The following SNX19 variants were observed in gnomAD, a reference collection of about 807,000 sequenced individuals.
The protein encoded by SNX19 is sorting nexin-19.
SNX19 carries 60 observed loss-of-function variants against 85.2 expected under a neutral mutation model. The observed-to-expected ratio is 0.70, with a 90% CI of 0.57 to 0.87. The LOEUF is 0.87. SNX19 is among the 40% of genes least tolerant of loss of function. SNX19 has a pLI of 0.00. For missense variants in SNX19, 1,201 were observed against 1,217.8 expected, an observed-to-expected ratio of 0.99 and a Z score of 0.21; for synonymous variants, 520 against 470.0, an observed-to-expected ratio of 1.11 and a Z score of -1.38.
Position 130,878,305 on chromosome 11 carries a change from G to A in SNX19, c.*117C>T, listed in dbSNP as rs1183725445. 17 of 1,219,822 alleles carry A rather than the reference G, an allele frequency of 1.4e-5. No homozygotes were observed. The highest frequency in any genetic ancestry group is 5.5e-5 in the South Asian group (3 of 54,184). The allele number at this position is 1,219,822 out of a possible 1,614,324, so 75.6% of individuals were successfully genotyped here. On this transcript the variant is annotated 3_prime_UTR_variant, in exon 11 of 11. Transcript: ENST00000265909. ...AGAAGTGGGAGAGAAGTGAGCCACC[G>A]AGAACCTAGGCCTTCTTAGCTGTAG...
Position 130,914,547 on chromosome 11 carries a change from C to CA in SNX19, c.1392dup (p.Val465CysfsTer26). On this transcript the variant is annotated frameshift_variant, in exon 1 of 11. Transcript: ENST00000265909. LOFTEE classifies it high-confidence loss of function. ...TCTGGCCCCTCCAGCAAAGCTGTAA[C>CA]AGAGGCGGTAACATCTCCTTGTTCT... is the stretch of plus-strand genomic sequence containing the variant. The CA allele has an allele frequency of 6.2e-7, 1 of 1,613,974 alleles. No homozygotes were observed. Among genetic ancestry groups the CA allele is most frequent in the African/African-American group, 1.3e-5 (1 of 75,032 alleles).
rs1214272374 is a variant in SNX19, at chr11:130,875,576, A to G, written c.*2846T>C. The G allele has an allele frequency of 2.0e-5, 3 of 152,258 alleles. No individual in the cohort carries two copies. The East Asian group carries it at 5.8e-4, about 29-fold the overall frequency. 9.4% of individuals were successfully genotyped at this position (152,258 alleles called of 1,614,324 possible). A position where few individuals can be genotyped will look rare whatever the true frequency, so the allele number is the denominator to read the frequency against. On this transcript the variant is annotated 3_prime_UTR_variant, in exon 11 of 11. Transcript: ENST00000265909. ...TGTAAACTGGAAATTTCCAAAATGGAAATTGGAGTAGCTTGTATTGATTTT... is the reference window on the plus strand; with the variant it reads ...TGTAAACTGGAAATTTCCAAAATGGGAATTGGAGTAGCTTGTATTGATTTT...
At position 130,910,291 on chromosome 11, in the gene SNX19, G is replaced by A; in HGVS notation, c.1893C>T (p.Ser631=). ...MDSDRVEARK[S]LLESFLKQLC... ...TGACCTTTAGGAATGATTCTAGGAG[G>A]CTCTTACGGGCTTCTACTCTGTCAC... Residue 631 remains serine (S), a synonymous_variant, in exon 3 of 11, where the codon AGC becomes AGT. Transcript: ENST00000265909. 6.2e-7 allele frequency: 1 copy of A among 1,613,250 alleles called. No individual in the cohort carries two copies. Among genetic ancestry groups the A allele is most frequent in the Non-Finnish European group, 8.5e-7 (1 of 1,179,772 alleles).
At chr11:130,911,812 T>TAG in intron 1 of SNX19, 41 bp from the exon 2 acceptor site, 3 of 1,600,194 alleles carry the variant, frequency 1.9e-6, no homozygotes, top group Non-Finnish European at 2.6e-6. Flanking sequence ...CAGCCGGGTT[T>TAG]CAGCAATCTT....
At chr11:130,894,635 G>T in intron 8 of SNX19, 2 of 985,358 alleles carry the variant, frequency 2.0e-6, no homozygotes, top group Non-Finnish European at 2.4e-6. Flanking sequence ...CTGTGCCCAC[G>T]CCATGCAGCA....
chr11:130,911,874 A>G, intron 1 of SNX19, 103 bp from the exon 2 acceptor site: 1 of 1,117,738 alleles, frequency 8.9e-7, no homozygotes, highest in Non-Finnish European at 1.3e-6. Flanking sequence ...CAAGAGTACG[A>G]AACTAAGAAC....
At chr11:130,906,747 C>G in intron 5 of SNX19, 26 bp from the exon 6 acceptor site, 1 of 1,546,768 alleles carries the variant, frequency 6.5e-7, no homozygotes, top group Non-Finnish European at 8.9e-7. Context: ...AGAGCAGAAA[C>G]AGGTTGTAAT....
At chr11:130,905,385 T>C (rs1231313583) in intron 7 of SNX19, among the ~76,000 whole-genome samples, 2 of 152,230 alleles carry the variant, frequency 1.3e-5, no homozygotes, top group African/African-American at 4.8e-5. Context: ...ACACGTTACA[T>C]TTCAGTTGCC....
intron 4 of SNX19, among the ~76,000 whole-genome samples, chr11:130,909,405 A>G (rs1157040420): frequency 6.6e-6 from 1 of 152,210 alleles, no homozygotes; most frequent in African/African-American, 2.4e-5. Flanking sequence ...CCTATAAAAC[A>G]CACATCACTT....
intron 8 of SNX19, among the ~76,000 whole-genome samples, chr11:130,892,153 G>A (rs1341025375): frequency 6.7e-6 from 1 of 149,868 alleles, no homozygotes; most frequent in African/African-American, 2.5e-5. Flanking sequence ...CAATCTGAAA[G>A]TTTTCTATGC....
At chr11:130,904,370 T>C (rs1945493872) in intron 7 of SNX19, among the ~76,000 whole-genome samples, 1 of 152,368 alleles carries the variant, frequency 6.6e-6, no homozygotes, top group South Asian at 2.1e-4. Context: ...TCCTTGAACA[T>C]GAATGACTTC....
Position 130,916,290 on chromosome 11 carries a change from G to A in SNX19, c.-351C>T, listed in dbSNP as rs1946579848. On this transcript the variant is annotated 5_prime_UTR_variant, in exon 1 of 11. Transcript: ENST00000265909. ...CCCACGGACACTTACACACGCAGCG[G>A]GCAGCGGCCGGCGAAGACTGGGTCA... 8.6e-6 allele frequency: 2 copies of A among 232,996 alleles called. No individual in the cohort carries two copies. Among genetic ancestry groups the A allele is most frequent in the African/African-American group, 2.3e-5 (1 of 44,378 alleles). The allele number at this position is 232,996 out of a possible 1,614,324, so 14.4% of individuals were successfully genotyped here. A position where few individuals can be genotyped will look rare whatever the true frequency, so the allele number is the denominator to read the frequency against.
intron 8 of SNX19, among the ~76,000 whole-genome samples, chr11:130,894,307 G>T (rs187888987): frequency 6.6e-6 from 1 of 152,194 alleles, no homozygotes; most frequent in East Asian, 1.9e-4. Flanking sequence ...AATTTTTAAC[G>T]GGTGGGATCC....
chr11:130,875,812 G>A lies in SNX19; in HGVS notation c.*2610C>T, dbSNP rs2135260221. 6.6e-6 allele frequency: 1 copy of A among 152,216 alleles called. No individual in the cohort carries two copies. Among genetic ancestry groups the A allele is most frequent in the South Asian group, 2.1e-4 (1 of 4,824 alleles). 9.4% of individuals were successfully genotyped at this position (152,216 alleles called of 1,614,324 possible). A position where few individuals can be genotyped will look rare whatever the true frequency, so the allele number is the denominator to read the frequency against. On this transcript the variant is annotated 3_prime_UTR_variant, in exon 11 of 11. Coordinates refer to ENST00000265909, the MANE Select transcript of SNX19 (RefSeq NM_014758.3). ...TACATATGCAACAAACCTGCATGTT[G>A]TGCACATGTTCCCTAGAACTTAATG...
chr11:130,898,032 A>G (rs1280266929), intron 8 of SNX19, among the ~76,000 whole-genome samples: 1 of 152,106 alleles, frequency 6.6e-6, no homozygotes, highest in Non-Finnish European at 1.5e-5. Flanking sequence ...ACTTCTCTTC[A>G]GCTCCCCTCC....
Position 130,911,585 on chromosome 11 carries a change from C to A in SNX19, c.1813+48G>T, listed in dbSNP as rs767539064. Reference sequence around the variant, plus strand: ...TAAACCAACAGGCCAATCAGCGTGGCTCGACGTGGGAAGCAAGCGGGCAGT... The same window carrying A: ...TAAACCAACAGGCCAATCAGCGTGGATCGACGTGGGAAGCAAGCGGGCAGT... On this transcript the variant is annotated intron_variant, in intron 2 of 10. Transcript: ENST00000265909. 4.4e-5 allele frequency: 71 copies of A among 1,610,650 alleles called. 1 individual carries two copies. Among genetic ancestry groups the A allele is most frequent in the Admixed American group, 2.8e-4 (17 of 59,858 alleles).
chr11:130,913,457 G>A (rs536853937), intron 1 of SNX19, among the ~76,000 whole-genome samples: 3 of 152,252 alleles, frequency 2.0e-5, no homozygotes, highest in South Asian at 4.1e-4. Flanking sequence ...TTTCTAAAAT[G>A]CTATGTCATG....
chr11:130,911,653 T>G lies in SNX19; in HGVS notation c.1793A>C (p.Asp598Ala). ...CTGACTTTTGATGAACTTTCGTAGATCTGGTTTCTCCTCCAGACGGGTCTG... is the reference window on the plus strand; with the variant it reads ...CTGACTTTTGATGAACTTTCGTAGAGCTGGTTTCTCCTCCAGACGGGTCTG... ...NLQTRLEEKP[D>A]LRKFIKNVKG... Residue 598 changes from aspartate (D) to alanine (A), a missense_variant, in exon 2 of 11, where the codon GAT becomes GCT. Physicochemically the swap from Asp to Ala is moderately radical, Grantham distance 126. Coordinates refer to ENST00000265909, the MANE Select transcript of SNX19 (RefSeq NM_014758.3). 6.2e-7 allele frequency: 1 copy of G among 1,614,150 alleles called. No individual in the cohort carries two copies. Among genetic ancestry groups the G allele is most frequent in the Non-Finnish European group, 8.5e-7 (1 of 1,180,016 alleles).
In SNX19 at chr11:130,911,686, A is replaced by C. The variant is rs140208565; in HGVS notation, c.1760T>G (p.Leu587Trp). The change falls in exon 2 of 11, where the codon TTG becomes TGG. Residue 587 changes from leucine (L) to tryptophan (W), a missense_variant. Transcript: ENST00000265909. ...HTVNRRYREF[L>W]NLQTRLEEKP... The stretch of plus-strand genomic sequence containing the variant: ...CTCCTCCAGACGGGTCTGCAGATTC[A>C]AGAACTCCCGATAGCGACGATTCAC... The C allele has an allele frequency of 6.2e-7, 1 of 1,614,170 alleles. No homozygotes were observed. The highest frequency in any genetic ancestry group is 1.7e-5 in the Admixed American group (1 of 60,034).
Sources: gnomAD v4.1 joint callset for allele counts (sites outside exome capture counted in the v4.1 genomes callset) on GRCh38, gnomAD v4.1.1 for gene constraint, MANE v1.5 for transcripts, NCBI Gene and HGNC (gene_info 2026-07-23, HGNC 2026-07-21) for gene names.